The following COL4A4 variants were observed in gnomAD, a reference collection of about 807,000 sequenced individuals.
The protein encoded by COL4A4 is collagen alpha-4(IV) chain.
COL4A4 carries 105 observed loss-of-function variants against 192.9 expected under a neutral mutation model. That is an observed-to-expected ratio of 0.54 (90% CI 0.46 to 0.64). The LOEUF (loss-of-function observed/expected upper bound fraction) is 0.64, where lower values mean the gene tolerates loss of function less well. Ranked by LOEUF, COL4A4 falls within the 30% of genes least tolerant of loss-of-function variation. The pLI is 0.00. For missense variants in COL4A4, 1,967 were observed against 2,169.3 expected (o/e 0.91, Z 1.85); for synonymous variants, 762 against 769.9 (o/e 0.99, Z 0.17).
chr2:227,059,374 A>G (rs1192831392), intron 28 of COL4A4, 31 bp downstream of exon 28: 1 of 1,579,090 alleles, frequency 6.3e-7, no homozygotes, highest in Non-Finnish European at 8.7e-7. Flanking sequence ...AGCCAGCTCT[A>G]TGCACCAAAA....
At chr2:227,092,820 A>AT (rs2060010473) in intron 20 of COL4A4, among the ~76,000 whole-genome samples, 1 of 152,230 alleles carries the variant, frequency 6.6e-6, no homozygotes, top group Non-Finnish European at 1.5e-5. Flanking sequence ...AAATGTGCAC[A>AT]TGTCGGGTGA....
chr2:226,997,508 C>T, the COL4A4 span: 1 of 152,238 alleles, frequency 6.6e-6, no homozygotes, highest in South Asian at 2.1e-4. Context: ...ACTCACTCCC[C>T]GTCTCCCCTT....
intron 43 of COL4A4, 98 bp downstream of exon 43, chr2:227,025,704 A>G (rs1050689991): frequency 1.8e-6 from 2 of 1,115,746 alleles, no homozygotes; most frequent in African/African-American, 3.1e-5. Context: ...TAAAAATGTA[A>G]CAAAGTTTAG....
downstream of COL4A4, among the ~76,000 whole-genome samples, chr2:227,002,168 C>CA (rs55908824): frequency 0.012 from 934 of 75,566 alleles, 10 homozygotes; most frequent in Non-Finnish European, 0.016. Flanking sequence ...GACCCTGTCT[C>CA]AAAAAAAAAA....
intron 42 of COL4A4, 94 bp from the exon 43 acceptor site, chr2:227,025,904 T>C: frequency 8.8e-7 from 1 of 1,129,976 alleles, no homozygotes; most frequent in Non-Finnish European, 1.3e-6. Flanking sequence ...AAAAATGAAA[T>C]AGATTAAGAA....
intron 25 of COL4A4, 50 bp downstream of exon 25, chr2:227,077,844 A>T: frequency 6.7e-7 from 1 of 1,501,404 alleles, no homozygotes; most frequent in Non-Finnish European, 9.1e-7. Flanking sequence ...AGAAAAATAA[A>T]CACTTGTACC....
chr2:226,976,590 C>T, the COL4A4 span, among the ~76,000 whole-genome samples: 1 of 152,246 alleles, frequency 6.6e-6, no homozygotes, highest in Admixed American at 6.5e-5. Flanking sequence ...GGTGCTGCTG[C>T]TACCTTAAGC....
chr2:227,061,749 T>C (rs1033606469), intron 26 of COL4A4, among the ~76,000 whole-genome samples: 1 of 152,194 alleles, frequency 6.6e-6, no homozygotes, highest in Non-Finnish European at 1.5e-5. Flanking sequence ...AGATTTTGGA[T>C]TTAATTCATC....
At chr2:227,137,375 G>A (rs796952820) in intron 4 of COL4A4, among the ~76,000 whole-genome samples, 2 of 152,204 alleles carry the variant, frequency 1.3e-5, no homozygotes, top group African/African-American at 4.8e-5. Flanking sequence ...ATCTTTCCAC[G>A]ATCATGGAGC....
the COL4A4 span, among the ~76,000 whole-genome samples, chr2:226,993,956 G>C: frequency 2.6e-5 from 4 of 152,202 alleles, no homozygotes; most frequent in Admixed American, 2.6e-4. Context: ...CTGTTTACTT[G>C]CTTTCCCTCC....
intron 1 of COL4A4, among the ~76,000 whole-genome samples, chr2:227,152,653 G>A (rs566390872): frequency 1.3e-5 from 2 of 152,292 alleles, no homozygotes; most frequent in Admixed American, 6.5e-5. Flanking sequence ...TTTGCAGTTC[G>A]CAAAGTGCAG....
At chr2:227,058,997 C>T (rs1489546495) in intron 28 of COL4A4, among the ~76,000 whole-genome samples, 2 of 152,160 alleles carry the variant, frequency 1.3e-5, no homozygotes, top group Non-Finnish European at 2.9e-5. Context: ...AGCTCATACC[C>T]GGCTCTCCCA....
At chr2:227,101,423 G>A (rs2060515392) in intron 17 of COL4A4, 81 bp downstream of exon 17, 1 of 1,116,758 alleles carries the variant, frequency 9.0e-7, no homozygotes, top group South Asian at 1.5e-5. Flanking sequence ...ATGATTCCTG[G>A]CAATACTTCT....
At chr2:227,149,156 AT>A (rs1307336421) in intron 1 of COL4A4, among the ~76,000 whole-genome samples, 8 of 152,070 alleles carry the variant, frequency 5.3e-5, no homozygotes, top group African/African-American at 9.7e-5. Context: ...GCCATTACCT[AT>A]TTTTAAACTT....
At chr2:226,988,371 A>G in the COL4A4 span, 1 of 1,550,356 alleles carries the variant, frequency 6.5e-7, no homozygotes, top group Non-Finnish European at 8.7e-7. Context: ...AGTCTCCTGG[A>G]CCCCAAGATA....
chr2:227,025,096 A>T (rs1966749256), intron 43 of COL4A4, among the ~76,000 whole-genome samples: 1 of 152,216 alleles, frequency 6.6e-6, no homozygotes, highest in Admixed American at 6.5e-5. Flanking sequence ...AAAAATAAAA[A>T]GGGGGAGCTG....
intron 4 of COL4A4, among the ~76,000 whole-genome samples, chr2:227,131,126 G>C (rs959653478): frequency 6.6e-6 from 1 of 151,326 alleles, no homozygotes; most frequent in African/African-American, 2.4e-5. Flanking sequence ...TTATTATGCA[G>C]GAAAATCTGT....
At position 227,043,264 on chromosome 2, in the gene COL4A4, T is replaced by C. The variant is rs1033158592; in HGVS notation, c.3290-80A>G. ...AAATCACCAAGTTCAGCCCACCCTA[T>C]TCTTTTCTATCCTTACTTTTTTAGT... On this transcript the variant is annotated intron_variant, in intron 35 of 47. Coordinates refer to ENST00000396625, the MANE Select transcript of COL4A4 (RefSeq NM_000092.5). 17 of 1,143,770 alleles carry C rather than the reference T, an allele frequency of 1.5e-5. No individual in the cohort carries two copies. In the African/African-American group the frequency reaches 2.6e-4, roughly 17 times the overall value. 70.9% of individuals were successfully genotyped at this position (1,143,770 alleles called of 1,614,324 possible).
intron 7 of COL4A4, among the ~76,000 whole-genome samples, chr2:227,115,284 T>C (rs563459638): frequency 6.7e-6 from 1 of 149,222 alleles, no homozygotes; most frequent in South Asian, 2.1e-4. Flanking sequence ...TTTTTTTTTT[T>C]TTTTGAGACA....
Sources: allele counts gnomAD v4.1 joint callset (sites outside exome capture counted in the v4.1 genomes callset), GRCh38; gene constraint gnomAD v4.1.1; transcripts MANE v1.5; gene names NCBI Gene and HGNC (gene_info 2026-07-23, HGNC 2026-07-21).